The following KMT2C variants were observed in gnomAD, a reference collection of about 807,000 sequenced individuals.
KMT2C encodes histone-lysine N-methyltransferase 2C.
In KMT2C, 88 loss-of-function variants were observed where a neutral mutation model predicts 507.9. The ratio of observed to expected loss-of-function variants is 0.17; its 90% CI spans 0.15 to 0.21. The LOEUF is 0.21. Among genes scored for constraint, KMT2C ranks in the 10% least tolerant of loss-of-function variants. KMT2C has a pLI of 1.00. For synonymous variants in KMT2C, 2,049 were observed against 2,080.8 expected (o/e 0.98, Z 0.42); for missense variants, 4,954 against 5,957.8 (o/e 0.83, Z 5.55).
chr7:152,349,617 G>A (rs529458226), intron 2 of KMT2C, among the ~76,000 whole-genome samples: 3 of 152,098 alleles, frequency 2.0e-5, no homozygotes, highest in Non-Finnish European at 2.9e-5. Flanking sequence ...AATAGTGGTT[G>A]CCATAGGTTA....
chr7:152,297,059 G>GAAAGAAAGAAAGAA (rs1563767704), intron 6 of KMT2C, among the ~76,000 whole-genome samples: 97 of 64,392 alleles, frequency 1.5e-3, no homozygotes, highest in African/African-American at 3.4e-3. Flanking sequence ...GAAAGACAGA[G>GAAAGAAAGAAAGAA]AGAGAGAGAG....
At chr7:152,186,953 T>C (rs990182251) in intron 33 of KMT2C, among the ~76,000 whole-genome samples, 1 of 152,182 alleles carries the variant, frequency 6.6e-6, no homozygotes, top group Non-Finnish European at 1.5e-5. Flanking sequence ...GATTAAATGA[T>C]AGTTTGGGTT....
At chr7:152,201,688 T>C (rs1310312825) in intron 26 of KMT2C, among the ~76,000 whole-genome samples, 1 of 63,250 alleles carries the variant, frequency 1.6e-5, no homozygotes, top group Admixed American at 1.6e-4. Flanking sequence ...ACCAATTAAA[T>C]GATCGTTTAA....
At chr7:152,397,450 A>T (rs2116586991) in intron 1 of KMT2C, among the ~76,000 whole-genome samples, 1 of 152,262 alleles carries the variant, frequency 6.6e-6, no homozygotes, top group Middle Eastern at 3.4e-3. Context: ...CTTTTGCTGC[A>T]CTAAGGATAA....
chr7:152,334,600 G>A (rs569816605), intron 2 of KMT2C, among the ~76,000 whole-genome samples: 4 of 151,980 alleles, frequency 2.6e-5, no homozygotes, highest in Admixed American at 6.5e-5. Context: ...AGTTCTCACC[G>A]AGAGAATATG....
chr7:152,141,948 G>A (rs1177328487), intron 55 of KMT2C, among the ~76,000 whole-genome samples: 2 of 151,990 alleles, frequency 1.3e-5, no homozygotes, highest in African/African-American at 4.8e-5. Flanking sequence ...CTTGAGCCCA[G>A]GAGATCGAAG....
chr7:152,182,057 G>T lies in KMT2C; in HGVS notation c.5803C>A (p.Pro1935Thr), dbSNP rs1460204290. Residue 1935 changes from proline to threonine, a missense_variant, in exon 36 of 59, where the codon CCC becomes ACC. Pro to Thr is a conservative substitution (Grantham distance 38). This residue lies in a region of KMT2C where 1,689 missense variants were observed against 1,654.3 expected (regional missense o/e 1.02). Coordinates refer to ENST00000262189, the MANE Select transcript of KMT2C (RefSeq NM_170606.3). Reference protein sequence around the residue: ...NCTPLSSVSRPLQMNETTANR... With the variant: ...NCTPLSSVSRTLQMNETTANR... ...GCTGTTGTCTCATTCATTTGAAGGG[G>T]CCTAGATACCGATGATAAAGGTGTA... 6.2e-7 allele frequency: 1 copy of T among 1,614,158 alleles called. No individual in the cohort carries two copies. The highest frequency in any genetic ancestry group is 8.5e-7 in the Non-Finnish European group (1 of 1,180,026).
rs764576509 is a variant in KMT2C at position 152,194,145 on chromosome 7, T to C, written c.4541-17A>G. 1 of 1,566,522 alleles carries C rather than the reference T, an allele frequency of 6.4e-7. No individual in the cohort carries two copies. Among genetic ancestry groups the C allele is most frequent in the Non-Finnish European group, 8.6e-7 (1 of 1,164,894 alleles). On this transcript the variant is annotated splice_polypyrimidine_tract_variant and intron_variant, in intron 30 of 58. Coordinates refer to ENST00000262189, the MANE Select transcript of KMT2C (RefSeq NM_170606.3). The stretch of plus-strand genomic sequence containing the variant: ...CGCCAAGCTCTAGGAGATAAAACAA[T>C]AATAGTAACAAGATTAAAAGACTAG...
At chr7:152,189,935 C>T (rs896354605) in intron 31 of KMT2C, among the ~76,000 whole-genome samples, 12 of 152,188 alleles carry the variant, frequency 7.9e-5, no homozygotes, top group Non-Finnish European at 1.5e-4. Flanking sequence ...GTTAGGAACC[C>T]GGCCGCACAG....
At chr7:152,429,836 C>T (rs2097850440) in intron 1 of KMT2C, among the ~76,000 whole-genome samples, 1 of 151,560 alleles carries the variant, frequency 6.6e-6, no homozygotes, top group African/African-American at 2.4e-5. Context: ...TACATTTTCA[C>T]AGATAACCAC....
At position 152,311,931 on chromosome 7, in the gene KMT2C, C is replaced by A. The variant is rs938249278; in HGVS notation, c.606G>T (p.Gln202His). Residue 202 changes from glutamine (Q) to histidine (H), a missense_variant, in exon 5 of 59, where the codon CAG becomes CAT. Gln to His is a conservative substitution (Grantham distance 24). Coordinates refer to ENST00000262189, the MANE Select transcript of KMT2C (RefSeq NM_170606.3). ...QRGQRKERSP[Q>H]QNIVSCVSVS... is the part of the protein sequence containing the mutation. ...CACTTACACAAGATACTATATTCTG[C>A]TGAGGAGATCGTTCTCTGAAAATAA... 25 of 1,569,182 alleles carry A rather than the reference C, an allele frequency of 1.6e-5. No individual in the cohort carries two copies. The highest frequency in any genetic ancestry group is 2.0e-5 in the Non-Finnish European group (23 of 1,152,846).
intron 1 of KMT2C, among the ~76,000 whole-genome samples, chr7:152,434,481 T>C (rs1051423714): frequency 3.3e-5 from 5 of 152,162 alleles, no homozygotes; most frequent in Admixed American, 2.0e-4. Context: ...AACAATACTA[T>C]TACTAAGTGA....
At chr7:152,359,647 C>A (rs188129884) in intron 1 of KMT2C, among the ~76,000 whole-genome samples, 2 of 150,408 alleles carry the variant, frequency 1.3e-5, no homozygotes, top group Non-Finnish European at 3.0e-5. Flanking sequence ...TGGTGGCGTG[C>A]CAGTAATTCC....
At chr7:152,218,271 C>T (rs958447119) in intron 23 of KMT2C, among the ~76,000 whole-genome samples, 1 of 152,040 alleles carries the variant, frequency 6.6e-6, no homozygotes, top group Non-Finnish European at 1.5e-5. Flanking sequence ...TTCAAGCAAT[C>T]CTCTGCCTCT....
At chr7:152,229,442 C>T (rs1184628531) in intron 18 of KMT2C, among the ~76,000 whole-genome samples, 4 of 151,944 alleles carry the variant, frequency 2.6e-5, no homozygotes, top group African/African-American at 9.6e-5. Context: ...AAGTGAGCAG[C>T]GCTGACTCTC....
intron 1 of KMT2C, among the ~76,000 whole-genome samples, chr7:152,417,907 G>A (rs1255322032): frequency 1.4e-5 from 2 of 147,104 alleles, no homozygotes; most frequent in East Asian, 4.0e-4. Flanking sequence ...CTCCCAAAGT[G>A]CTGGGATTAC....
Position 152,395,270 on chromosome 7 carries a change from G to A in KMT2C, c.162-36595C>T, listed in dbSNP as rs151299344. On this transcript the variant is annotated intron_variant, in intron 1 of 58. Transcript: ENST00000262189. ...CGCAACCATGACTCACTGCATTCTCGACCTTTTGGGCTCAAGTAATCCTCC... is the reference window on the plus strand; with the variant it reads ...CGCAACCATGACTCACTGCATTCTCAACCTTTTGGGCTCAAGTAATCCTCC... 9.5e-3 allele frequency among the ~76,000 whole-genome samples: 1,431 copies of A among 150,576 alleles called. 26 individuals carry two copies. The highest frequency in any genetic ancestry group is 0.034 in the African/African-American group (1,378 of 40,960).
chr7:152,362,965 AT>A (rs1435585470), intron 1 of KMT2C, among the ~76,000 whole-genome samples: 1 of 152,094 alleles, frequency 6.6e-6, no homozygotes, highest in African/African-American at 2.4e-5. Context: ...ACATCATGTC[AT>A]TTTCGAATTC....
At chr7:152,255,142 T>TATATATACATAC (rs1273227523) in intron 9 of KMT2C, among the ~76,000 whole-genome samples, 4 of 126,370 alleles carry the variant, frequency 3.2e-5, no homozygotes, top group African/African-American at 6.4e-5. Flanking sequence ...TATATATATA[T>TATATATACATAC]ATACATATAT....
Sources: gnomAD v4.1 joint callset for allele counts (sites outside exome capture counted in the v4.1 genomes callset) on GRCh38, gnomAD v4.1.1 for gene constraint, gnomAD v4.1.1 regional missense constraint, MANE v1.5 for transcripts, NCBI Gene and HGNC (gene_info 2026-07-23, HGNC 2026-07-21) for gene names.